VLDLR: variants seen among roughly 807,000 people sequenced by gnomAD.
VLDLR encodes the protein very low-density lipoprotein receptor.
In VLDLR, 81 loss-of-function variants were observed where a neutral mutation model predicts 112.7. The observed-to-expected ratio is 0.72, with a 90% CI of 0.60 to 0.86. The LOEUF is 0.86. Among genes scored for constraint, VLDLR ranks in the 40% least tolerant of loss-of-function variants. The pLI is 0.00. For missense variants in VLDLR, 1,237 were observed against 1,099.4 expected (o/e 1.13, Z -1.77); for synonymous variants, 436 against 384.8 (o/e 1.13, Z -1.56).
chr9:2,651,866 C>T lies in VLDLR; in HGVS notation c.2336-8C>T. The T allele has an allele frequency of 6.2e-7, 1 of 1,613,962 alleles. No individual in the cohort carries two copies. The highest frequency in any genetic ancestry group is 8.5e-7 in the Non-Finnish European group (1 of 1,179,904). Reference sequence around the variant, plus strand: ...CCTTCTAAACTGATTCCTTTTATTCCTCTGTAGGGATCAATGTGACCACAG... The same window carrying T: ...CCTTCTAAACTGATTCCTTTTATTCTTCTGTAGGGATCAATGTGACCACAG... On this transcript the variant is annotated splice_polypyrimidine_tract_variant and splice_region_variant and intron_variant, in intron 16 of 18. Transcript: ENST00000382100.
chr9:2,637,451 C>G (rs1276542235), intron 2 of VLDLR, among the ~76,000 whole-genome samples: 1 of 152,306 alleles, frequency 6.6e-6, no homozygotes, highest in East Asian at 1.9e-4. Flanking sequence ...ACTGCTAATT[C>G]TCTTCCTCTG....
intron 16 of VLDLR, 64 bp from the exon 17 acceptor site, chr9:2,651,810 G>C: frequency 1.3e-6 from 2 of 1,590,540 alleles, no homozygotes; most frequent in Non-Finnish European, 1.7e-6. Flanking sequence ...CTCCTTACCT[G>C]ATGGGTAAAT....
intron 2 of VLDLR, among the ~76,000 whole-genome samples, 164 bp downstream of exon 2, chr9:2,635,736 T>G (rs1487118818): frequency 6.6e-6 from 1 of 152,152 alleles, no homozygotes; most frequent in Non-Finnish European, 1.5e-5. Flanking sequence ...TGACGTGGGG[T>G]TATCAACTTG....
chr9:2,622,404 C>T (rs1354360076), intron 1 of VLDLR, 133 bp downstream of exon 1: 1 of 774,488 alleles, frequency 1.3e-6, no homozygotes, highest in Non-Finnish European at 1.8e-6. Flanking sequence ...TTCCCTCCCT[C>T]CCCTCCGTGG....
chr9:2,644,499 G>C (rs1817981002), intron 7 of VLDLR, among the ~76,000 whole-genome samples: 4 of 151,864 alleles, frequency 2.6e-5, no homozygotes. Flanking sequence ...CCTCCTTAAA[G>C]ATAACTGATC....
Position 2,647,356 on chromosome 9 carries a change from A to G in VLDLR, c.1704-118A>G, listed in dbSNP as rs529948071. ...ATAATTTAGACCCTTAAGTGTTACT[A>G]TTTGTCACTAGAGAATGCCTTGAGT... is the stretch of plus-strand genomic sequence containing the variant. On this transcript the variant is annotated intron_variant, in intron 11 of 18. Coordinates refer to ENST00000382100, the MANE Select transcript of VLDLR (RefSeq NM_003383.5). 1.1e-3 allele frequency: 834 copies of G among 790,470 alleles called. 16 individuals are homozygous for G. In the South Asian group the frequency reaches 0.011, roughly 11 times the overall value. 49.0% of individuals were successfully genotyped at this position (790,470 alleles called of 1,614,324 possible). A position where few individuals can be genotyped will look rare whatever the true frequency, so the allele number is the denominator to read the frequency against.
chr9:2,651,624 C>A, intron 16 of VLDLR, 126 bp downstream of exon 16: 4 of 964,894 alleles, frequency 4.1e-6, no homozygotes, highest in South Asian at 1.5e-5. Context: ...TATATTTAAA[C>A]ACCAAAGACT....
chr9:2,646,314 T>C lies in VLDLR; in HGVS notation c.1485-20T>C. 1 of 1,612,676 alleles carries C rather than the reference T, an allele frequency of 6.2e-7. No individual in the cohort carries two copies. The highest frequency in any genetic ancestry group is 8.5e-7 in the Non-Finnish European group (1 of 1,178,674). ...AATTGTGTCAAACTCTTAAATTTCT[T>C]GTGACCTATTCTGTTTCAGTGCCTC... On this transcript the variant is annotated intron_variant, in intron 10 of 18. Transcript: ENST00000382100.
Position 2,653,882 on chromosome 9 carries a change from T to G in VLDLR, c.*14T>G, listed in dbSNP as rs1021914190. 2 of 1,613,756 alleles carry G rather than the reference T, an allele frequency of 1.2e-6. No individual in the cohort carries two copies. Among genetic ancestry groups the G allele is most frequent in the African/African-American group, 2.7e-5 (2 of 74,920 alleles). On this transcript the variant is annotated 3_prime_UTR_variant, in exon 19 of 19. Transcript: ENST00000382100. ...GATCTAGCTTGACTTCTGTGACAAA[T>G]GTTGACCTTTGAGGTCTAAACAAAT...
chr9:2,648,945 A>C, intron 14 of VLDLR, 135 bp downstream of exon 14: 2 of 1,089,452 alleles, frequency 1.8e-6, no homozygotes, highest in Non-Finnish European at 2.7e-6. Context: ...ACCCTACCTT[A>C]AACATTTCAC....
intron 12 of VLDLR, 105 bp from the exon 13 acceptor site, chr9:2,648,103 C>G: frequency 2.7e-6 from 4 of 1,507,062 alleles, no homozygotes; most frequent in Non-Finnish European, 3.6e-6. Context: ...AGAAACCCTG[C>G]TGGGGAAAGA....
At position 2,647,613 on chromosome 9, in the gene VLDLR, C is replaced by T. The variant is rs773447391; in HGVS notation, c.1822+21C>T. ...ACTTGGTATGTATGTTCTTCCTTCT[C>T]GACCACCCACTCAACTATCTTCATA... On this transcript the variant is annotated intron_variant, in intron 12 of 18. Transcript: ENST00000382100. 61 of 1,577,690 alleles carry T rather than the reference C, an allele frequency of 3.9e-5. 1 individual carries two copies. In the South Asian group the frequency reaches 4.8e-4, roughly 12 times the overall value.
chr9:2,626,812 AAGTT>A (rs33951431), intron 1 of VLDLR, among the ~76,000 whole-genome samples: 91,702 of 151,734 alleles, frequency 0.6, 28,094 homozygotes, highest in Admixed American at 0.69. Context: ...GTTACATCAC[AAGTT>A]TGTTAGAACT....
rs753350393 is a variant in VLDLR at position 2,652,774 on chromosome 9, T to C, written c.2417-6T>C. 4 of 1,613,992 alleles carry C rather than the reference T, an allele frequency of 2.5e-6. No homozygotes were observed. The African/African-American group carries it at 5.3e-5, about 22-fold the overall frequency. ...GCTCACTTAGCTACCCTCTGATTTT[T>C]TTCAGTGCTCTTAGTGATGGCAGCA... On this transcript the variant is annotated splice_polypyrimidine_tract_variant and splice_region_variant and intron_variant, in intron 17 of 18. Transcript: ENST00000382100.
rs1818697693 is a variant in VLDLR at position 2,658,811 on chromosome 9, G to C, written c.*4943G>C. On this transcript the variant is annotated 3_prime_UTR_variant, in exon 19 of 19. Transcript: ENST00000382100. ...CCGGTAAGTGACTTTACCGGTGAAA[G>C]TCACAGGTACCTTTATCTATGATGA... 2 of 152,156 alleles carry C rather than the reference G, an allele frequency of 1.3e-5. No individual in the cohort carries two copies. The highest frequency in any genetic ancestry group is 2.4e-5 in the African/African-American group (1 of 41,424). The allele number at this position is 152,156 out of a possible 1,614,324, so 9.4% of individuals were successfully genotyped here.
At chr9:2,622,796 T>G (rs1447401928) in intron 1 of VLDLR, among the ~76,000 whole-genome samples, 1 of 152,028 alleles carries the variant, frequency 6.6e-6, no homozygotes, top group East Asian at 1.9e-4. Flanking sequence ...GGCCGCGAGC[T>G]GGCGCACGTT....
At chr9:2,650,887 G>A (rs1367452270) in intron 15 of VLDLR, among the ~76,000 whole-genome samples, 1 of 152,018 alleles carries the variant, frequency 6.6e-6, no homozygotes, top group African/African-American at 2.4e-5. Context: ...TGCCTCAGTG[G>A]GTGACGCTAC....
Position 2,646,406 on chromosome 9 carries a change from T to C in VLDLR, c.1557T>C (p.Ala519=). ...IDNVYNPAAI[A]VDWVYKTIYW... is the part of the protein sequence containing the mutation. ...ATGTCTATAATCCTGCAGCCATTGC[T>C]GTTGATTGGGTGTACAAGACCATCT... The change falls in exon 11 of 19, where the codon GCT becomes GCC. Residue 519 remains alanine (A), a synonymous_variant. Coordinates refer to ENST00000382100, the MANE Select transcript of VLDLR (RefSeq NM_003383.5). 6.2e-7 allele frequency: 1 copy of C among 1,614,224 alleles called. No homozygotes were observed. The highest frequency in any genetic ancestry group is 2.2e-5 in the East Asian group (1 of 44,882).
At position 2,622,047 on chromosome 9, in the gene VLDLR, TC is replaced by T; in HGVS notation, c.-138del. The T allele has an allele frequency of 1.2e-6, 1 of 814,436 alleles. No homozygotes were observed. 50.5% of individuals were successfully genotyped at this position (814,436 alleles called of 1,614,324 possible). ...GGTGCCCTCTTCTTCCCCGCTCCCT[TC>T]CCCCGCCAACTCCTTCCCCTCCTTC... On this transcript the variant is annotated 5_prime_UTR_variant, in exon 1 of 19. Transcript: ENST00000382100.
Sources: allele counts gnomAD v4.1 joint callset (sites outside exome capture counted in the v4.1 genomes callset), GRCh38; gene constraint gnomAD v4.1.1; transcripts MANE v1.5; gene names NCBI Gene and HGNC (gene_info 2026-07-23, HGNC 2026-07-21).